The following GPC5 variants were observed in gnomAD, a reference collection of about 807,000 sequenced individuals.
GPC5 encodes glypican 5.
In GPC5, 47 loss-of-function variants were observed where a neutral mutation model predicts 53.9. That is an observed-to-expected ratio of 0.87 (90% confidence interval 0.69 to 1.11). The LOEUF is 1.11. Among genes scored for constraint, GPC5 ranks in the 50% most tolerant of loss-of-function variants. The pLI, the probability that GPC5 is intolerant of heterozygous loss-of-function variation, is 0.00. For missense variants in GPC5, 748 were observed against 713.1 expected, an observed-to-expected ratio of 1.05 and a Z score of -0.56; for synonymous variants, 286 against 263.3, an observed-to-expected ratio of 1.09 and a Z score of -0.84.
chr13:92,661,094 G>A (rs191728657), intron 7 of GPC5, among the ~76,000 whole-genome samples: 20 of 152,126 alleles, frequency 1.3e-4, no homozygotes, highest in African/African-American at 4.8e-4. Flanking sequence ...TGACTCAGGA[G>A]TTTGAGACCA....
chr13:91,972,613 C>A (rs981021096), intron 6 of GPC5, among the ~76,000 whole-genome samples: 9 of 152,056 alleles, frequency 5.9e-5, no homozygotes, highest in African/African-American at 1.7e-4. Flanking sequence ...ACCGGTTGTT[C>A]CTTTCCATGT....
intron 6 of GPC5, among the ~76,000 whole-genome samples, chr13:91,941,982 C>T (rs2039931405): frequency 6.6e-6 from 1 of 152,080 alleles, no homozygotes; most frequent in Admixed American, 6.5e-5. Context: ...GATCACCACA[C>T]TCAAGTGAAT....
intron 7 of GPC5, chr13:92,240,043 A>G (rs1221709891): frequency 6.6e-6 from 1 of 152,048 alleles, no homozygotes; most frequent in Non-Finnish European, 1.5e-5. Context: ...TTTATATGAA[A>G]AACTTCACAA....
intron 6 of GPC5, among the ~76,000 whole-genome samples, chr13:92,083,019 C>A (rs1407808994): frequency 2.6e-5 from 4 of 152,134 alleles, no homozygotes; most frequent in Non-Finnish European, 4.4e-5. Flanking sequence ...TATAAATACT[C>A]ATTTATTGAG....
At chr13:92,076,955 G>A (rs939662273) in intron 6 of GPC5, among the ~76,000 whole-genome samples, 4 of 152,146 alleles carry the variant, frequency 2.6e-5, no homozygotes, top group African/African-American at 9.7e-5. Context: ...TAAGACTTCA[G>A]AAGAACCTTG....
intron 5 of GPC5, among the ~76,000 whole-genome samples, chr13:91,840,846 C>G (rs577951138): frequency 1.3e-5 from 2 of 151,456 alleles, no homozygotes; most frequent in East Asian, 3.9e-4. Context: ...TTACGGTTAA[C>G]TATTATATTG....
chr13:92,772,374 G>C (rs1165810928), intron 7 of GPC5, among the ~76,000 whole-genome samples: 1 of 152,128 alleles, frequency 6.6e-6, no homozygotes, highest in South Asian at 2.1e-4. Flanking sequence ...GTTCCACCCA[G>C]TTGGCCTCCC....
intron 6 of GPC5, among the ~76,000 whole-genome samples, chr13:92,037,163 C>A (rs2040899981): frequency 6.6e-6 from 1 of 151,948 alleles, no homozygotes; most frequent in Non-Finnish European, 1.5e-5. Flanking sequence ...TGTCTTCTAC[C>A]TTTTTCATGA....
At chr13:92,712,249 G>T (rs9589621) in intron 7 of GPC5, among the ~76,000 whole-genome samples, 2,142 of 151,742 alleles carry the variant, frequency 0.014, 59 homozygotes, top group African/African-American at 0.049. Flanking sequence ...TATAATAAAG[G>T]AATACAAGGA....
chr13:91,760,810 T>A (rs1307687403), intron 5 of GPC5, among the ~76,000 whole-genome samples: 1 of 152,218 alleles, frequency 6.6e-6, no homozygotes, highest in African/African-American at 2.4e-5. Context: ...TGATTGTAGA[T>A]GAAAATGTCT....
intron 1 of GPC5, among the ~76,000 whole-genome samples, chr13:91,438,034 T>C (rs1880121134): frequency 1.8e-5 from 2 of 109,268 alleles, no homozygotes; most frequent in Non-Finnish European, 4.2e-5. Context: ...TAAGGACTTC[T>C]CTGCATTGGT....
At chr13:91,916,239 G>A (rs2039657514) in intron 6 of GPC5, among the ~76,000 whole-genome samples, 1 of 152,088 alleles carries the variant, frequency 6.6e-6, no homozygotes, top group Admixed American at 6.6e-5. Flanking sequence ...AAAAAAAAAT[G>A]ACAGTTCCTC....
chr13:92,558,606 A>G (rs979736904), intron 7 of GPC5, among the ~76,000 whole-genome samples: 1 of 151,968 alleles, frequency 6.6e-6, no homozygotes, highest in Non-Finnish European at 1.5e-5. Context: ...ATGTCTCTGA[A>G]ATCAGAATAT....
chr13:92,260,442 C>G (rs2042758187), intron 7 of GPC5, among the ~76,000 whole-genome samples: 1 of 152,190 alleles, frequency 6.6e-6, no homozygotes, highest in Non-Finnish European at 1.5e-5. Flanking sequence ...ACTATCATGG[C>G]AGCACAAGTT....
At chr13:91,520,116 A>T (rs1186244697) in intron 2 of GPC5, among the ~76,000 whole-genome samples, 3 of 152,164 alleles carry the variant, frequency 2.0e-5, no homozygotes, top group African/African-American at 4.8e-5. Flanking sequence ...ATAAAAAAAA[A>T]TTTATAAAAT....
At chr13:91,845,819 G>T (rs570302081) in intron 5 of GPC5, among the ~76,000 whole-genome samples, 27 of 152,124 alleles carry the variant, frequency 1.8e-4, no homozygotes, top group African/African-American at 6.3e-4. Context: ...ATAAAACTTG[G>T]TTAAAATGTA....
At chr13:91,909,276 C>T (rs752266525) in intron 6 of GPC5, among the ~76,000 whole-genome samples, 12 of 152,176 alleles carry the variant, frequency 7.9e-5, no homozygotes, top group Non-Finnish European at 1.6e-4. Context: ...CTCACAGTAT[C>T]GTCCACTATA....
chr13:92,193,495 G>A (rs1157671155), intron 7 of GPC5, among the ~76,000 whole-genome samples: 2 of 152,158 alleles, frequency 1.3e-5, no homozygotes, highest in Non-Finnish European at 1.5e-5. Flanking sequence ...GATAATAGAT[G>A]AGAGAATCCT....
chr13:91,523,956 A>G (rs2139377041), intron 2 of GPC5, among the ~76,000 whole-genome samples: 1 of 152,086 alleles, frequency 6.6e-6, no homozygotes, highest in South Asian at 2.1e-4. Context: ...TTGCATGAAT[A>G]TATTATAATT....
Sources: allele counts gnomAD v4.1 joint callset (sites outside exome capture counted in the v4.1 genomes callset), GRCh38; gene constraint gnomAD v4.1.1; transcripts MANE v1.5; gene names NCBI Gene and HGNC (gene_info 2026-07-23, HGNC 2026-07-21).